The following RGS3 variants were observed in gnomAD, a reference collection of about 807,000 sequenced individuals.
RGS3 encodes the protein regulator of G-protein signalling 3.
A neutral mutation model predicts 132.6 loss-of-function variants in RGS3; 80 were observed. That is an observed-to-expected ratio of 0.60 (90% CI 0.50 to 0.73). The LOEUF is 0.73. Among genes scored for constraint, RGS3 ranks in the 30% least tolerant of loss-of-function variants. The probability of loss-of-function intolerance (pLI) is 0.00; values close to 1 mark genes in which losing one functional copy is unlikely to be tolerated. For synonymous variants in RGS3, 598 were observed against 620.6 expected (o/e 0.96, Z 0.54); for missense variants, 1,382 against 1,530.8 (o/e 0.90, Z 1.62).
At chr9:113,498,959 G>T (rs1392251504) in intron 10 of RGS3, among the ~76,000 whole-genome samples, 2 of 150,528 alleles carry the variant, frequency 1.3e-5, no homozygotes, top group Admixed American at 1.3e-4. Flanking sequence ...GGGCACGGTG[G>T]CTGATGCCTG....
intron 14 of RGS3, among the ~76,000 whole-genome samples, chr9:113,511,245 G>A (rs1831386304): frequency 6.6e-6 from 1 of 152,194 alleles, no homozygotes; most frequent in South Asian, 2.1e-4. Flanking sequence ...CAGAATCTGG[G>A]AGCAAAGCCC....
chr9:113,570,462 A>C (rs1834236014), intron 19 of RGS3: 3 of 152,052 alleles, frequency 2.0e-5, no homozygotes, highest in African/African-American at 7.2e-5. Flanking sequence ...GAGGGGTTTT[A>C]TTTGTTTTTA....
chr9:113,561,726 A>T (rs144106927), intron 19 of RGS3, among the ~76,000 whole-genome samples: 16 of 152,092 alleles, frequency 1.1e-4, no homozygotes, highest in African/African-American at 3.9e-4. Flanking sequence ...GGGAGCATAA[A>T]CCCATGAGGT....
At chr9:113,446,684 G>A (rs923463035) in intron 1 of RGS3, among the ~76,000 whole-genome samples, 6 of 152,200 alleles carry the variant, frequency 3.9e-5, no homozygotes, top group African/African-American at 1.2e-4. Flanking sequence ...CTCAGGTGGC[G>A]TGTAGGAAGC....
exon 20 of RGS3, chr9:113,584,355 C>T (rs770187889): frequency 1.3e-6 from 2 of 1,576,536 alleles, no homozygotes; most frequent in Non-Finnish European, 1.7e-6. Context: ...CGCCCAGCAC[C>T]CTCAAGAAAG....
chr9:113,584,375 G>A (rs1315869620), exon 20 of RGS3: 16 of 1,550,472 alleles, frequency 1.0e-5, no homozygotes, highest in Middle Eastern at 1.7e-4. Context: ...GAGCTGGGCC[G>A]CAATGGTGGC....
At chr9:113,568,211 A>G (rs1415374283) in intron 19 of RGS3, among the ~76,000 whole-genome samples, 2 of 152,186 alleles carry the variant, frequency 1.3e-5, no homozygotes, top group Non-Finnish European at 2.9e-5. Flanking sequence ...TACTGCACCA[A>G]CTGGATGTCT....
upstream of RGS3, among the ~76,000 whole-genome samples, chr9:113,455,429 C>T (rs183364332): frequency 5.3e-5 from 8 of 152,204 alleles, no homozygotes; most frequent in Non-Finnish European, 7.3e-5. Flanking sequence ...GGCTTCCAGC[C>T]TAACTGCGAG....
Position 113,463,758 on chromosome 9 carries a change from C to G in RGS3, c.415+1557C>G. On this transcript the variant is annotated intron_variant, in intron 3 of 24. Transcript: ENST00000350696. This position sits in a 1 kb window ranked among gnomAD's most constrained non-coding sequence, Gnocchi z 4.6. ...TCCGGTTACTGGGGAGCAACACAGC[C>G]GCCTCGGGTTGCAGACGCTCCTGTC... 2 of 1,566,810 alleles carry G rather than the reference C, an allele frequency of 1.3e-6. No individual in the cohort carries two copies. The highest frequency in any genetic ancestry group is 1.7e-6 in the Non-Finnish European group (2 of 1,157,984).
chr9:113,523,175 G>A, intron 17 of RGS3, 134 bp downstream of exon 15: 1 of 647,388 alleles, frequency 1.5e-6, no homozygotes, highest in Non-Finnish European at 2.8e-6. Flanking sequence ...CTGTCCATGG[G>A]CTAGTAGGTC....
intron 23 of RGS3, 126 bp from the exon 22 acceptor site, chr9:113,595,473 G>C (rs987849400): frequency 1.9e-6 from 2 of 1,048,458 alleles, no homozygotes; most frequent in Non-Finnish European, 2.8e-6. Context: ...CCTGGCTGTC[G>C]GGGACGGGCA....
intron 15 of RGS3, 89 bp downstream of exon 13, chr9:113,514,743 T>G (rs1831568906): frequency 3.8e-6 from 5 of 1,319,116 alleles, no homozygotes; most frequent in Non-Finnish European, 5.3e-6. Flanking sequence ...TGATGACTTA[T>G]CCCAGGACTG....
intron 10 of RGS3, among the ~76,000 whole-genome samples, chr9:113,500,098 C>G (rs1300461012): frequency 6.6e-6 from 1 of 152,190 alleles, no homozygotes; most frequent in Non-Finnish European, 1.5e-5. Flanking sequence ...TAAAGTCCTC[C>G]TGCGTGCTGG....
chr9:113,508,499 T>A (rs1191050009), intron 13 of RGS3, 42 bp from the exon 12 acceptor site: 1 of 1,611,282 alleles, frequency 6.2e-7, no homozygotes, highest in African/African-American at 1.3e-5. Flanking sequence ...TGTCCTGCCC[T>A]GTTCCTGGGG....
At position 113,508,522 on chromosome 9, in the gene RGS3, T is replaced by C. The variant is rs1588175280; in HGVS notation, c.1438-19T>C. ...CCTGTTCCTGGGGCTGAGGTGGTTT[T>C]CCTGTCTTTCCCTTGCAGCTGCTCC... is the stretch of plus-strand genomic sequence containing the variant. On this transcript the variant is annotated intron_variant, in intron 13 of 24. Transcript: ENST00000350696. The C allele has an allele frequency of 1.2e-6, 2 of 1,612,542 alleles. No homozygotes were observed. Among genetic ancestry groups the C allele is most frequent in the Non-Finnish European group, 8.5e-7 (1 of 1,179,960 alleles).
chr9:113,483,043 C>G lies in RGS3; in HGVS notation c.467-16C>G. On this transcript the variant is annotated splice_polypyrimidine_tract_variant and intron_variant, in intron 4 of 24. Transcript: ENST00000350696. ...TGTTTCCATTCATCCACCCCAATGT[C>G]TGAATTCTCTTTTAGTTATAGAAGG... 5 of 1,614,016 alleles carry G rather than the reference C, an allele frequency of 3.1e-6. No homozygotes were observed. The highest frequency in any genetic ancestry group is 4.2e-6 in the Non-Finnish European group (5 of 1,179,940).
intron 19 of RGS3, among the ~76,000 whole-genome samples, chr9:113,542,760 T>C (rs1222498777): frequency 6.6e-6 from 1 of 151,970 alleles, no homozygotes; most frequent in Non-Finnish European, 1.5e-5. Context: ...GGTGGGAGAG[T>C]TCACTGCTGC....
chr9:113,477,054 A>G (rs562692195), intron 3 of RGS3, among the ~76,000 whole-genome samples: 1 of 152,012 alleles, frequency 6.6e-6, no homozygotes, highest in Non-Finnish European at 1.5e-5. Context: ...CCCACCCCAC[A>G]CTAGATTGGG....
At chr9:113,461,891 CT>C (rs143610280) in intron 2 of RGS3, 240,076 of 1,606,028 alleles carry the variant, frequency 0.15, 19,171 homozygotes, top group African/African-American at 0.21. Flanking sequence ...ATCACCTTCC[CT>C]TTTCCCTGTG....
Sources: gnomAD v4.1 joint callset for allele counts (sites outside exome capture counted in the v4.1 genomes callset) on GRCh38, gnomAD v4.1.1 for gene constraint, Gnocchi (gnomAD v3.1) non-coding constraint, MANE v1.5 for transcripts, NCBI Gene and HGNC (gene_info 2026-07-23, HGNC 2026-07-21) for gene names.